Variants in COMMD10 observed in about 807,000 individuals in gnomAD.
The protein encoded by COMMD10 is COMM domain containing 10.
Under a neutral mutation model 28.9 loss-of-function variants are expected in COMMD10, and 33 were observed. That is an observed-to-expected ratio of 1.14 (90% confidence interval 0.87 to 1.53). The LOEUF (loss-of-function observed/expected upper bound fraction) is 1.53, where lower values mean the gene tolerates loss of function less well. Ranked by LOEUF, COMMD10 falls within the 40% of genes most tolerant of loss-of-function variation. The probability of loss-of-function intolerance (pLI) is 0.00; values close to 1 mark genes in which losing one functional copy is unlikely to be tolerated. For missense variants in COMMD10, 310 were observed against 233.4 expected (o/e 1.33, Z -2.14); for synonymous variants, 110 against 81.7 (o/e 1.35, Z -1.87).
intron 5 of COMMD10, among the ~76,000 whole-genome samples, chr5:116,277,291 T>G (rs1323494962): frequency 6.6e-6 from 1 of 151,894 alleles, no homozygotes. Context: ...ATGTACTTTT[T>G]AGAATATGCA....
At chr5:116,117,857 G>A (rs541695147) in intron 4 of COMMD10, among the ~76,000 whole-genome samples, 1 of 152,292 alleles carries the variant, frequency 6.6e-6, no homozygotes, top group African/African-American at 2.4e-5. Context: ...GGAGGTTGGT[G>A]TGATATAGGC....
intron 5 of COMMD10, among the ~76,000 whole-genome samples, chr5:116,173,644 C>G (rs1277038880): frequency 6.6e-6 from 1 of 152,058 alleles, no homozygotes. Context: ...GATCTGAAGT[C>G]ATTCCAAAAG....
At chr5:116,108,728 G>A (rs1057319808) in intron 4 of COMMD10, among the ~76,000 whole-genome samples, 25 of 94,536 alleles carry the variant, frequency 2.6e-4, no homozygotes, top group East Asian at 1.6e-3. Flanking sequence ...TGCCATTGGG[G>A]TATGAAAAAA....
chr5:116,257,424 G>C (rs1206289331), intron 5 of COMMD10, among the ~76,000 whole-genome samples: 2 of 151,662 alleles, frequency 1.3e-5, no homozygotes, highest in South Asian at 4.1e-4. Context: ...ACCAGTTCCA[G>C]ATGTTCCACG....
chr5:116,087,135 T>C (rs925651633), intron 1 of COMMD10, among the ~76,000 whole-genome samples: 5 of 152,246 alleles, frequency 3.3e-5, no homozygotes, highest in African/African-American at 1.2e-4. Flanking sequence ...ATTGCCATAA[T>C]TGCTATTCCT....
At chr5:116,270,635 T>A (rs1176326853) in intron 5 of COMMD10, among the ~76,000 whole-genome samples, 3 of 151,700 alleles carry the variant, frequency 2.0e-5, no homozygotes, top group African/African-American at 7.3e-5. Context: ...TCCCATTATA[T>A]AAAGGTTATA....
intron 5 of COMMD10, among the ~76,000 whole-genome samples, chr5:116,181,054 G>A (rs1487455602): frequency 6.6e-6 from 1 of 152,068 alleles, no homozygotes; most frequent in East Asian, 1.9e-4. Flanking sequence ...TAAGGTGGGA[G>A]GATCACTTGA....
At chr5:116,232,260 T>C (rs1749546572) in intron 5 of COMMD10, among the ~76,000 whole-genome samples, 1 of 152,010 alleles carries the variant, frequency 6.6e-6, no homozygotes, top group African/African-American at 2.4e-5. Flanking sequence ...ATTTTCTAAT[T>C]AGAAATGGAG....
intron 5 of COMMD10, among the ~76,000 whole-genome samples, chr5:116,182,188 T>G (rs1324998891): frequency 6.6e-6 from 1 of 151,992 alleles, no homozygotes; most frequent in African/African-American, 2.4e-5. Context: ...AAGCAGACAA[T>G]TGAATGTATA....
intron 4 of COMMD10, among the ~76,000 whole-genome samples, chr5:116,098,906 T>G (rs1750555485): frequency 6.6e-6 from 1 of 152,242 alleles, no homozygotes; most frequent in Admixed American, 6.5e-5. Flanking sequence ...TGTGTAATGA[T>G]TACCATAATC....
At chr5:116,287,917 T>C (rs1042894743) in intron 5 of COMMD10, among the ~76,000 whole-genome samples, 1 of 151,876 alleles carries the variant, frequency 6.6e-6, no homozygotes, top group Non-Finnish European at 1.5e-5. Context: ...TACATTAATA[T>C]AGATTTATGG....
intron 5 of COMMD10, among the ~76,000 whole-genome samples, chr5:116,273,991 A>G (rs2112700416): frequency 6.6e-6 from 1 of 151,856 alleles, no homozygotes; most frequent in Middle Eastern, 3.4e-3. Context: ...ATGTCATAAA[A>G]TGTATGTAAA....
At chr5:116,222,122 T>G (rs1353561256) in intron 5 of COMMD10, among the ~76,000 whole-genome samples, 1 of 152,118 alleles carries the variant, frequency 6.6e-6, no homozygotes, top group Non-Finnish European at 1.5e-5. Context: ...TGTTAAGAAG[T>G]TAGGGAAGGA....
At chr5:116,144,744 A>G (rs1247411698) in intron 5 of COMMD10, among the ~76,000 whole-genome samples, 1 of 151,858 alleles carries the variant, frequency 6.6e-6, no homozygotes, top group Non-Finnish European at 1.5e-5. Flanking sequence ...TTGAGAGGAG[A>G]AGAAAGAAAC....
intron 4 of COMMD10, among the ~76,000 whole-genome samples, chr5:116,108,404 CTGCAGTGGCTTTTTGAG>C (rs1750915648): frequency 8.9e-5 from 1 of 11,250 alleles, no homozygotes; most frequent in Non-Finnish European, 3.5e-4. Context: ...GGCAGTCTGG[CTGCAGTGGCTTTTTGAG>C]CTGCAGTGGC....
intron 5 of COMMD10, among the ~76,000 whole-genome samples, chr5:116,246,874 C>T (rs1405526689): frequency 6.6e-6 from 1 of 152,032 alleles, no homozygotes; most frequent in Non-Finnish European, 1.5e-5. Context: ...TATAAAACCC[C>T]TGGAAGACAA....
intron 5 of COMMD10, among the ~76,000 whole-genome samples, chr5:116,136,693 A>G (rs181478232): frequency 1.3e-5 from 2 of 152,218 alleles, no homozygotes; most frequent in African/African-American, 4.8e-5. Flanking sequence ...TGTGAAATCT[A>G]ACTCATTTGA....
rs12658625 is a variant in COMMD10 at position 116,204,826 on chromosome 5, C to T, written c.510+70648C>T. ...TCGTGGTATACGGTATTAAAGAAGACATTCAACTAGAGCTCAATTTTTCTG... is the reference window on the plus strand; with the variant it reads ...TCGTGGTATACGGTATTAAAGAAGATATTCAACTAGAGCTCAATTTTTCTG... On this transcript the variant is annotated intron_variant, in intron 5 of 6. Transcript: ENST00000274458. Among the ~76,000 whole-genome samples the T allele has an allele frequency of 3.2e-4, 48 of 152,214 alleles. No individual in the cohort carries two copies. The East Asian group carries it at 8.3e-3, about 26-fold the overall frequency.
chr5:116,173,933 A>G (rs1441851635), intron 5 of COMMD10, among the ~76,000 whole-genome samples: 1 of 151,758 alleles, frequency 6.6e-6, no homozygotes, highest in Non-Finnish European at 1.5e-5. Flanking sequence ...ACATCTATTG[A>G]AAATATGCCA....
Sources: gnomAD v4.1 joint callset for allele counts (sites outside exome capture counted in the v4.1 genomes callset) on GRCh38, gnomAD v4.1.1 for gene constraint, MANE v1.5 for transcripts, NCBI Gene and HGNC (gene_info 2026-07-23, HGNC 2026-07-21) for gene names.